Variants in SCAF11 observed in about 807,000 individuals in gnomAD.
SCAF11 encodes the protein SR-related CTD associated factor 11.
SCAF11 carries 47 observed loss-of-function variants against 140.5 expected under a neutral mutation model. The ratio of observed to expected loss-of-function variants is 0.33; its 90% confidence interval spans 0.26 to 0.43. The LOEUF (loss-of-function observed/expected upper bound fraction) is 0.43, where lower values mean the gene tolerates loss of function less well. Among genes scored for constraint, SCAF11 ranks in the 20% least tolerant of loss-of-function variants. SCAF11 has a pLI of 1.00. For missense variants in SCAF11, 1,645 were observed against 1,705.1 expected, an observed-to-expected ratio of 0.96 and a Z score of 0.62; for synonymous variants, 557 against 579.4, an observed-to-expected ratio of 0.96 and a Z score of 0.55.
intron 1 of SCAF11, among the ~76,000 whole-genome samples, chr12:45,964,666 C>CAA (rs557847692): frequency 3.1e-4 from 34 of 110,832 alleles, no homozygotes; most frequent in African/African-American, 7.1e-4. Context: ...GACTCTGTCT[C>CAA]AAAAAAAAAA....
chr12:45,934,451 T>C lies in SCAF11; in HGVS notation c.518A>G (p.Asn173Ser), dbSNP rs1359614179. The C allele has an allele frequency of 6.3e-7, 1 of 1,593,138 alleles. No homozygotes were observed. Among genetic ancestry groups the C allele is most frequent in the East Asian group, 2.2e-5 (1 of 44,632 alleles). ...GGKKNAAIKI[N>S]KPQRSNWSTN... ...TTTTTCTTGGTTTCAACAAACCTTA[T>C]TTATCTTTATTGCTGCATTTTTCTT... Residue 173 changes from asparagine to serine, a missense_variant, in exon 7 of 15, where the codon AAT becomes AGT. Asn to Ser is a conservative substitution (Grantham distance 46). Around this residue, in one of 2 missense-constraint regions of SCAF11, gnomAD observed 1,582 missense variants for 1,609.2 expected, o/e 0.98. Coordinates refer to ENST00000369367, the MANE Select transcript of SCAF11 (RefSeq NM_004719.3).
rs778529010 is a variant in SCAF11 at position 45,931,472 on chromosome 12, T to C, written c.841+34A>G. Reference sequence around the variant, plus strand: ...AACTGGAAGAAACTAATAATAATAATTTTTAAAATAGAAAATGATTTCACA... The same window carrying C: ...AACTGGAAGAAACTAATAATAATAACTTTTAAAATAGAAAATGATTTCACA... On this transcript the variant is annotated intron_variant, in intron 10 of 14. Transcript: ENST00000369367. 8.0e-6 allele frequency: 9 copies of C among 1,122,124 alleles called. No individual in the cohort carries two copies. In the East Asian group the frequency reaches 1.2e-4, roughly 15 times the overall value. 69.5% of individuals were successfully genotyped at this position (1,122,124 alleles called of 1,614,324 possible). A position where few individuals can be genotyped will look rare whatever the true frequency, so the allele number is the denominator to read the frequency against.
intron 4 of SCAF11, among the ~76,000 whole-genome samples, chr12:45,950,509 C>T (rs911299876): frequency 2.0e-5 from 3 of 152,106 alleles, no homozygotes; most frequent in Non-Finnish European, 2.9e-5. Flanking sequence ...ATCTACTTTA[C>T]ACTAATGAAT....
chr12:45,933,474 T>C (rs1288382877), intron 8 of SCAF11, among the ~76,000 whole-genome samples: 1 of 152,184 alleles, frequency 6.6e-6, no homozygotes, highest in Non-Finnish European at 1.5e-5. Flanking sequence ...CTTGAATTTC[T>C]ATCTTAAGTG....
At chr12:45,961,932 G>C in intron 2 of SCAF11, 75 bp from the exon 3 acceptor site, 1 of 1,168,410 alleles carries the variant, frequency 8.6e-7, no homozygotes, top group Non-Finnish European at 1.2e-6. Flanking sequence ...GAGTATAGTG[G>C]ATTAGATACT....
chr12:45,963,195 C>T (rs1026359569), intron 2 of SCAF11, among the ~76,000 whole-genome samples: 8 of 152,062 alleles, frequency 5.3e-5, no homozygotes, highest in African/African-American at 1.9e-4. Flanking sequence ...AAAGGAAAGG[C>T]AACAAAGAGG....
intron 3 of SCAF11, chr12:45,953,859 T>C: frequency 1.0e-6 from 1 of 1,002,916 alleles, no homozygotes; most frequent in Non-Finnish European, 1.4e-6. Flanking sequence ...AAATAATTCC[T>C]AGAAGAAAGT....
intron 3 of SCAF11, among the ~76,000 whole-genome samples, chr12:45,953,096 T>C (rs1281709657): frequency 6.6e-6 from 1 of 152,212 alleles, no homozygotes; most frequent in Non-Finnish European, 1.5e-5. Flanking sequence ...CACATCTGAA[T>C]TAGGAAATGT....
intron 11 of SCAF11, among the ~76,000 whole-genome samples, chr12:45,925,704 C>T (rs1944841489): frequency 6.6e-6 from 1 of 151,458 alleles, no homozygotes; most frequent in Admixed American, 6.6e-5. Context: ...ATTTTTACAT[C>T]TTCAACAGCC....
chr12:45,986,921 T>C (rs1946472026), intron 1 of SCAF11, among the ~76,000 whole-genome samples: 1 of 152,190 alleles, frequency 6.6e-6, no homozygotes, highest in African/African-American at 2.4e-5. Flanking sequence ...CAATTATACC[T>C]CTTTTTCTTC....
intron 1 of SCAF11, among the ~76,000 whole-genome samples, chr12:45,967,588 G>A (rs1945981507): frequency 6.6e-6 from 1 of 152,044 alleles, no homozygotes; most frequent in African/African-American, 2.4e-5. Flanking sequence ...AGGTTGCAGT[G>A]AATCGAGATT....
At chr12:45,958,801 C>T (rs983903230) in intron 3 of SCAF11, among the ~76,000 whole-genome samples, 5 of 152,200 alleles carry the variant, frequency 3.3e-5, no homozygotes, top group African/African-American at 9.7e-5. Context: ...TACTTAATCA[C>T]TTTAAAGTCC....
intron 2 of SCAF11, among the ~76,000 whole-genome samples, chr12:45,963,270 A>T (rs1250317284): frequency 6.6e-6 from 1 of 152,198 alleles, no homozygotes; most frequent in Non-Finnish European, 1.5e-5. Context: ...CTGTTAAGAG[A>T]AATAAAAATA....
chr12:45,970,120 T>C (rs1209204710), intron 1 of SCAF11, among the ~76,000 whole-genome samples: 2 of 152,180 alleles, frequency 1.3e-5, no homozygotes, highest in Non-Finnish European at 1.5e-5. Flanking sequence ...GGTCTTGAAC[T>C]CCTGACCTCG....
At chr12:45,968,912 C>A (rs953236479) in intron 1 of SCAF11, among the ~76,000 whole-genome samples, 1 of 152,030 alleles carries the variant, frequency 6.6e-6, no homozygotes, top group African/African-American at 2.4e-5. Flanking sequence ...GGCGACAGAG[C>A]GAGACTCCAT....
chr12:45,959,971 T>G (rs1284821242), intron 3 of SCAF11, among the ~76,000 whole-genome samples: 1 of 152,214 alleles, frequency 6.6e-6, no homozygotes, highest in Non-Finnish European at 1.5e-5. Context: ...GATAAGTACT[T>G]TCTTTTGAAA....
chr12:45,928,285 A>G lies in SCAF11; in HGVS notation c.1416T>C (p.Ser472=). ...CTTGAGCACAAGACTCAGAAGATGA[A>G]GATCCTACTCTTTCCTCTGTATCAT... ...ANYDTEERVG[S]SSSESCAQDL... Residue 472 remains serine (S), a synonymous_variant, in exon 11 of 15, where the codon TCT becomes TCC. Transcript: ENST00000369367. The G allele has an allele frequency of 6.2e-7, 1 of 1,614,004 alleles. No homozygotes were observed. The highest frequency in any genetic ancestry group is 8.5e-7 in the Non-Finnish European group (1 of 1,179,980).
upstream of SCAF11, among the ~76,000 whole-genome samples, chr12:45,991,506 G>C (rs1946609815): frequency 6.6e-6 from 1 of 152,164 alleles, no homozygotes; most frequent in Non-Finnish European, 1.5e-5. Context: ...AGGTTGCAGT[G>C]AGCCGAGATC....
chr12:45,974,005 C>T (rs749951539), intron 1 of SCAF11, among the ~76,000 whole-genome samples: 9 of 152,152 alleles, frequency 5.9e-5, no homozygotes, highest in Non-Finnish European at 1.0e-4. Flanking sequence ...ATTTCCAATA[C>T]AGGCATATAT....
Sources: gnomAD v4.1 joint callset for allele counts (sites outside exome capture counted in the v4.1 genomes callset) on GRCh38, gnomAD v4.1.1 for gene constraint, gnomAD v4.1.1 regional missense constraint, MANE v1.5 for transcripts, NCBI Gene and HGNC (gene_info 2026-07-23, HGNC 2026-07-21) for gene names.